RYR3: variants seen among roughly 807,000 people sequenced by gnomAD.
RYR3 encodes ryanodine receptor 3.
In RYR3, 207 loss-of-function variants were observed where a neutral mutation model predicts 584.3. The ratio of observed to expected loss-of-function variants is 0.35; its 90% CI spans 0.32 to 0.40. RYR3 has a LOEUF of 0.40. Among genes scored for constraint, RYR3 ranks in the 10% least tolerant of loss-of-function variants. The pLI is 1.00. For synonymous variants in RYR3, 2,416 were observed against 2,248.5 expected (o/e 1.07, Z -2.11); for missense variants, 5,616 against 6,089.2 (o/e 0.92, Z 2.59).
intron 42 of RYR3, among the ~76,000 whole-genome samples, chr15:33,702,679 GT>G (rs1408900520): frequency 1.3e-5 from 2 of 152,134 alleles, no homozygotes; most frequent in Non-Finnish European, 2.9e-5. Flanking sequence ...CACACAGAGG[GT>G]GGTTGAAGCG....
At chr15:33,572,420 TTA>T (rs2058071325) in intron 12 of RYR3, among the ~76,000 whole-genome samples, 1 of 151,756 alleles carries the variant, frequency 6.6e-6, no homozygotes, top group African/African-American at 2.4e-5. Flanking sequence ...TTCAGGCAGT[TTA>T]GAGTTCTATC....
In RYR3 at chr15:33,794,046, A is replaced by AC. The variant is rs1567183661; in HGVS notation, c.9830+5588_9830+5589insC. 7.0e-5 allele frequency among the ~76,000 whole-genome samples: 8 copies of AC among 113,674 alleles called. No individual in the cohort carries two copies. The South Asian group carries it at 1.9e-3, about 27-fold the overall frequency. The allele number at this position is 113,674 out of a possible 152,430, so 74.6% of individuals were successfully genotyped here. On this transcript the variant is annotated intron_variant, in intron 67 of 103. Transcript: ENST00000634891. The stretch of plus-strand genomic sequence containing the variant: ...TATATAAATATATACATAAATACAT[A>AC]TATATAAATATATACATAAATAAAT...
chr15:33,453,047 T>C (rs1383909229), intron 1 of RYR3, among the ~76,000 whole-genome samples: 2 of 106,546 alleles, frequency 1.9e-5, no homozygotes, highest in East Asian at 3.0e-4. Flanking sequence ...TGAGGTTTGC[T>C]GCACTTGAAA....
chr15:33,772,507 G>GA (rs1352831090), intron 63 of RYR3, among the ~76,000 whole-genome samples: 2 of 152,124 alleles, frequency 1.3e-5, no homozygotes, highest in African/African-American at 4.8e-5. Context: ...GGGTTTTTGA[G>GA]ACATCATTTT....
chr15:33,751,558 C>T (rs1200016347), intron 57 of RYR3, among the ~76,000 whole-genome samples: 1 of 148,178 alleles, frequency 6.7e-6, no homozygotes, highest in Admixed American at 6.9e-5. Context: ...TGTTCAAAGC[C>T]TTCACCCAGT....
Position 33,785,973 on chromosome 15 carries a change from C to T in RYR3, c.9580C>T (p.Arg3194Cys), listed in dbSNP as rs750373665. 38 of 1,572,808 alleles carry T rather than the reference C, an allele frequency of 2.4e-5. No homozygotes were observed. Among genetic ancestry groups the T allele is most frequent in the Non-Finnish European group, 3.0e-5 (35 of 1,156,174 alleles). ...CATCGATGAGGCCTCCTGGATGAAGCGCATTGCAGGTACCGACCCCTTTCT... is the reference window on the plus strand; with the variant it reads ...CATCGATGAGGCCTCCTGGATGAAGTGCATTGCAGGTACCGACCCCTTTCT... ...LGIDEASWMK[R>C]IAVYAQPIIS... The change falls in exon 66 of 104, where the codon CGC becomes TGC. Residue 3194 changes from arginine to cysteine, a missense_variant. Arg to Cys is a radical substitution (Grantham distance 180, BLOSUM62 -3). Coordinates refer to ENST00000634891, the MANE Select transcript of RYR3 (RefSeq NM_001036.6).
At chr15:33,761,714 AAAC>A (rs1567116710) in intron 60 of RYR3, among the ~76,000 whole-genome samples, 1 of 152,234 alleles carries the variant, frequency 6.6e-6, no homozygotes, top group African/African-American at 2.4e-5. Flanking sequence ...AAACTATTCC[AAAC>A]AACAGAAAAA....
intron 3 of RYR3, among the ~76,000 whole-genome samples, chr15:33,504,758 C>G (rs920506081): frequency 2.6e-5 from 4 of 152,182 alleles, no homozygotes; most frequent in Non-Finnish European, 5.9e-5. Flanking sequence ...CTCAGTATCC[C>G]AGCGACATCG....
Position 33,646,387 on chromosome 15 carries a change from T to C in RYR3, c.3802T>C (p.Cys1268Arg). 1 of 1,612,900 alleles carries C rather than the reference T, an allele frequency of 6.2e-7. No individual in the cohort carries two copies. The highest frequency in any genetic ancestry group is 8.5e-7 in the Non-Finnish European group (1 of 1,179,100). Residue 1268 changes from cysteine to arginine, a missense_variant, in exon 29 of 104, where the codon TGT (cysteine) becomes CGT (arginine). By Grantham distance (180) the Cys-to-Arg change is radical. Coordinates refer to ENST00000634891, the MANE Select transcript of RYR3 (RefSeq NM_001036.6). ...TGATGGCACCATGGACAGCCCTCCG[T>C]GTCTCAAGGTGACGCATAAGACATT... ...RIDGTMDSPP[C>R]LKVTHKTFGT...
intron 81 of RYR3, among the ~76,000 whole-genome samples, 168 bp downstream of exon 81, chr15:33,823,240 G>T (rs947008899): frequency 6.6e-6 from 1 of 152,158 alleles, no homozygotes; most frequent in African/African-American, 2.4e-5. Context: ...CCTTCAGGAT[G>T]ACAATTCAGC....
intron 1 of RYR3, among the ~76,000 whole-genome samples, chr15:33,319,597 A>ACC (rs1968672158): frequency 1.3e-5 from 2 of 152,356 alleles, no homozygotes; most frequent in Admixed American, 1.3e-4. Context: ...AATGATGGGT[A>ACC]AAGTCAGAGG....
At chr15:33,840,988 C>A in intron 90 of RYR3, 105 bp downstream of exon 90, 1 of 1,009,854 alleles carries the variant, frequency 9.9e-7, no homozygotes, top group Non-Finnish European at 1.5e-6. Flanking sequence ...GAGGCTGAGG[C>A]TGGAGGATCA....
intron 37 of RYR3, 74 bp from the exon 38 acceptor site, chr15:33,670,345 T>G: frequency 6.6e-7 from 1 of 1,519,738 alleles, no homozygotes; most frequent in Non-Finnish European, 9.0e-7. Context: ...AAGCAGTTTT[T>G]TAAATGTTCT....
At chr15:33,630,931 T>C (rs962239989) in intron 22 of RYR3, among the ~76,000 whole-genome samples, 1 of 152,208 alleles carries the variant, frequency 6.6e-6, no homozygotes, top group Non-Finnish European at 1.5e-5. Context: ...CAGCTACCTA[T>C]TTTTGTAAAT....
chr15:33,392,635 G>T (rs2042074191), intron 1 of RYR3, among the ~76,000 whole-genome samples: 1 of 152,064 alleles, frequency 6.6e-6, no homozygotes, highest in Non-Finnish European at 1.5e-5. Flanking sequence ...GCCACTTCCA[G>T]CCTTTGCCAC....
chr15:33,644,027 ATATT>A (rs980963514), intron 27 of RYR3, among the ~76,000 whole-genome samples: 3 of 152,146 alleles, frequency 2.0e-5, no homozygotes, highest in Admixed American at 1.3e-4. Context: ...TTTCCAGTTG[ATATT>A]TATTTATATC....
chr15:33,729,713 A>T (rs546371703), intron 47 of RYR3, among the ~76,000 whole-genome samples: 1 of 152,230 alleles, frequency 6.6e-6, no homozygotes, highest in South Asian at 2.1e-4. Context: ...AACTAAGCAG[A>T]AAAAGGTACA....
chr15:33,624,627 A>T (rs1401257973), intron 20 of RYR3, among the ~76,000 whole-genome samples: 1 of 152,328 alleles, frequency 6.6e-6, no homozygotes, highest in East Asian at 1.9e-4. Context: ...GGAAAATAAA[A>T]GGGAGAGAAA....
intron 67 of RYR3, among the ~76,000 whole-genome samples, chr15:33,797,665 T>C (rs2075701164): frequency 6.6e-6 from 1 of 152,176 alleles, no homozygotes; most frequent in Admixed American, 6.5e-5. Context: ...GAAAATCCTC[T>C]TCCTTCTCCC....
Sources: allele counts gnomAD v4.1 joint callset (sites outside exome capture counted in the v4.1 genomes callset), GRCh38; gene constraint gnomAD v4.1.1; transcripts MANE v1.5; gene names NCBI Gene and HGNC (gene_info 2026-07-23, HGNC 2026-07-21).